Variants in ALPK2 observed in about 807,000 individuals in gnomAD.
The protein encoded by ALPK2 is alpha kinase 2, also known as alpha-protein kinase 2.
Under a neutral mutation model 163.1 loss-of-function variants are expected in ALPK2, and 127 were observed. The observed-to-expected ratio is 0.78, with a 90% CI of 0.67 to 0.90. The LOEUF (loss-of-function observed/expected upper bound fraction) is 0.90. Among genes scored for constraint, ALPK2 ranks in the 40% least tolerant of loss-of-function variants. The pLI is 0.00. For missense variants in ALPK2, 2,360 were observed against 2,589.6 expected (o/e 0.91, Z 1.92); for synonymous variants, 953 against 959.1 (o/e 0.99, Z 0.12).
intron 2 of ALPK2, among the ~76,000 whole-genome samples, chr18:58,608,145 T>G (rs1172176392): frequency 6.6e-6 from 1 of 152,196 alleles, no homozygotes; most frequent in South Asian, 2.1e-4. Flanking sequence ...TTTTTGAAAA[T>G]TATACTTTAA....
At chr18:58,507,954 A>G (rs2051469927) in intron 10 of ALPK2, among the ~76,000 whole-genome samples, 1 of 152,188 alleles carries the variant, frequency 6.6e-6, no homozygotes, top group South Asian at 2.1e-4. Flanking sequence ...AGAGGCCATG[A>G]TATTCCTACC....
rs757691850 is a variant in ALPK2, at chr18:58,536,319, G to A, written c.3868C>T (p.Pro1290Ser). Residue 1290 changes from proline to serine, a missense_variant, in exon 5 of 13, where the codon CCC becomes TCC. Transcript: ENST00000361673. Reference protein sequence around the residue: ...KADAVVPELAPSEIAALAHSP... With the variant: ...KADAVVPELASSEIAALAHSP... ...TGAGCCAATGCTGCTATTTCAGAGGGGGCCAATTCAGGCACAACAGCATCT... is the reference window on the plus strand; with the variant it reads ...TGAGCCAATGCTGCTATTTCAGAGGAGGCCAATTCAGGCACAACAGCATCT... 4 of 1,614,070 alleles carry A rather than the reference G, an allele frequency of 2.5e-6. No individual in the cohort carries two copies. Among genetic ancestry groups the A allele is most frequent in the Non-Finnish European group, 3.4e-6 (4 of 1,180,032 alleles).
At chr18:58,532,804 G>A (rs957521566) in intron 5 of ALPK2, among the ~76,000 whole-genome samples, 1 of 152,150 alleles carries the variant, frequency 6.6e-6, no homozygotes, top group Non-Finnish European at 1.5e-5. Context: ...CATTTTACAG[G>A]TGGGGAAAGT....
chr18:58,523,957 A>C lies in ALPK2; in HGVS notation c.5607T>G (p.Ala1869=). 1 of 1,614,192 alleles carries C rather than the reference A, an allele frequency of 6.2e-7. No homozygotes were observed. The highest frequency in any genetic ancestry group is 8.5e-7 in the Non-Finnish European group (1 of 1,180,022). Residue 1869 remains alanine (A), a synonymous_variant, in exon 7 of 13, where the codon GCT becomes GCG. Coordinates refer to ENST00000361673, the MANE Select transcript of ALPK2 (RefSeq NM_052947.4). Reference sequence around the variant, plus strand: ...TACCTTCAGCTGTGAGGTTAAATTCAGCAGTCACTTTTCCGTAGCTGTTCT... The same window carrying C: ...TACCTTCAGCTGTGAGGTTAAATTCCGCAGTCACTTTTCCGTAGCTGTTCT... The part of the protein sequence containing the change: ...CIKNSYGKVT[A]EFNLTAEVLK...
intron 1 of ALPK2, among the ~76,000 whole-genome samples, chr18:58,628,138 C>T (rs1330763241): frequency 6.6e-6 from 1 of 151,660 alleles, no homozygotes; most frequent in Non-Finnish European, 1.5e-5. Flanking sequence ...TTTTTTTTGG[C>T]TGACTTTTTG....
intron 3 of ALPK2, among the ~76,000 whole-genome samples, chr18:58,593,649 G>A (rs1215399936): frequency 7.3e-5 from 11 of 150,644 alleles, no homozygotes; most frequent in Non-Finnish European, 1.0e-4. Context: ...AGGCCAAGGC[G>A]GGTGGATCAC....
chr18:58,546,128 C>T (rs1568081450), intron 4 of ALPK2, among the ~76,000 whole-genome samples: 3 of 146,674 alleles, frequency 2.0e-5, no homozygotes, highest in South Asian at 4.2e-4. Context: ...TAGGATAACA[C>T]GTAATAGACT....
At chr18:58,613,323 G>T (rs898084286) in intron 1 of ALPK2, among the ~76,000 whole-genome samples, 13 of 152,172 alleles carry the variant, frequency 8.5e-5, no homozygotes, top group African/African-American at 3.1e-4. Flanking sequence ...GCAGGGCCCG[G>T]TTCAAGATGA....
rs1325542877 is a variant in ALPK2, at chr18:58,618,424, C to T, written c.-20-6607G>A. On this transcript the variant is annotated intron_variant, in intron 1 of 12. Coordinates refer to ENST00000361673, the MANE Select transcript of ALPK2 (RefSeq NM_052947.4). ...AGCAGAGTGATGTGATGATGTGGGG[C>T]GTGGATTCCTGTACCTGCTCCCTAG... Among the ~76,000 whole-genome samples the T allele has an allele frequency of 5.9e-5, 9 of 152,244 alleles. No individual in the cohort carries two copies. In the East Asian group the frequency reaches 1.2e-3, roughly 20 times the overall value.
At chr18:58,494,673 C>T (rs1242226437) in intron 12 of ALPK2, among the ~76,000 whole-genome samples, 1 of 152,124 alleles carries the variant, frequency 6.6e-6, no homozygotes, top group Admixed American at 6.5e-5. Flanking sequence ...TGCGACTCTC[C>T]CTTTGCATCA....
chr18:58,564,456 T>TA (rs2051841140), intron 4 of ALPK2, among the ~76,000 whole-genome samples: 1 of 152,128 alleles, frequency 6.6e-6, no homozygotes, highest in South Asian at 2.1e-4. Context: ...CATCTTTTCT[T>TA]ACATCACTTT....
At chr18:58,604,394 A>C (rs1306957842) in intron 3 of ALPK2, among the ~76,000 whole-genome samples, 1 of 152,246 alleles carries the variant, frequency 6.6e-6, no homozygotes, top group Non-Finnish European at 1.5e-5. Context: ...GTATAAGTCA[A>C]ATCCCTTTGC....
intron 4 of ALPK2, among the ~76,000 whole-genome samples, chr18:58,555,132 G>T (rs2051783311): frequency 6.6e-6 from 1 of 152,144 alleles, no homozygotes; most frequent in Non-Finnish European, 1.5e-5. Flanking sequence ...GGGTCTGCCT[G>T]GTACAATCTT....
chr18:58,508,217 A>C (rs765754805), intron 10 of ALPK2, among the ~76,000 whole-genome samples: 37 of 152,156 alleles, frequency 2.4e-4, no homozygotes, highest in Non-Finnish European at 4.1e-4. Flanking sequence ...CTAAACTATT[A>C]AAACAAACAA....
intron 4 of ALPK2, among the ~76,000 whole-genome samples, chr18:58,541,008 T>G (rs62096276): frequency 0.11 from 17,045 of 152,292 alleles, 1,151 homozygotes; most frequent in East Asian, 0.33. Context: ...GTCACTGGAA[T>G]AGATCATCAT....
chr18:58,570,903 G>T (rs1346722398), intron 4 of ALPK2, among the ~76,000 whole-genome samples: 2 of 152,196 alleles, frequency 1.3e-5, no homozygotes, highest in East Asian at 3.9e-4. Context: ...CCTCTTTCCT[G>T]GCTATACGCC....
chr18:58,529,100 A>C lies in ALPK2; in HGVS notation c.5492T>G (p.Val1831Gly), dbSNP rs1382293737. The change falls in exon 6 of 13, where the codon GTG (valine) becomes GGG (glycine). Residue 1831 changes from valine to glycine, a missense_variant. Physicochemically the swap from Val to Gly is moderately radical, Grantham distance 109. Coordinates refer to ENST00000361673, the MANE Select transcript of ALPK2 (RefSeq NM_052947.4). ...GGGAAAAACATCGCACCTTCTCTGCACTTGGGCTATGGACTTTGAATCTTT... is the reference window on the plus strand; with the variant it reads ...GGGAAAAACATCGCACCTTCTCTGCCCTTGGGCTATGGACTTTGAATCTTT... ...WTKDSKSIAQ[V>G]QRSAGDNSTV... 1 of 1,614,144 alleles carries C rather than the reference A, an allele frequency of 6.2e-7. No individual in the cohort carries two copies. The highest frequency in any genetic ancestry group is 8.5e-7 in the Non-Finnish European group (1 of 1,179,974).
At chr18:58,597,192 A>G (rs1421695785) in intron 3 of ALPK2, among the ~76,000 whole-genome samples, 2 of 152,158 alleles carry the variant, frequency 1.3e-5, no homozygotes, top group African/African-American at 4.8e-5. Context: ...CAGGAGGCTG[A>G]GGCAGGAGAA....
intron 4 of ALPK2, among the ~76,000 whole-genome samples, chr18:58,548,511 G>A (rs753367002): frequency 1.2e-4 from 18 of 152,048 alleles, no homozygotes; most frequent in Non-Finnish European, 2.2e-4. Flanking sequence ...AGTAGAGATG[G>A]GGTTTTGCCC....
Sources: gnomAD v4.1 joint callset for allele counts (sites outside exome capture counted in the v4.1 genomes callset) on GRCh38, gnomAD v4.1.1 for gene constraint, MANE v1.5 for transcripts, NCBI Gene and HGNC (gene_info 2026-07-23, HGNC 2026-07-21) for gene names.